Variants in ZFP91 observed in about 807,000 individuals in gnomAD.
ZFP91 encodes ZFP91 zinc finger protein, atypical E3 ubiquitin ligase, also known as E3 ubiquitin-protein ligase ZFP91.
Under a neutral mutation model 63.5 loss-of-function variants are expected in ZFP91, and 7 were observed. That is an observed-to-expected ratio of 0.11 (90% CI 0.06 to 0.21). The LOEUF (loss-of-function observed/expected upper bound fraction) is 0.21. ZFP91 is among the 10% of genes least tolerant of loss of function. The probability of loss-of-function intolerance (pLI) is 1.00; values close to 1 mark genes in which losing one functional copy is unlikely to be tolerated. For synonymous variants in ZFP91, 330 were observed against 272.1 expected (o/e 1.21, Z -2.10); for missense variants, 628 against 736.6 (o/e 0.85, Z 1.71).
At chr11:58,603,099 G>T (rs1393608251) in intron 2 of ZFP91, among the ~76,000 whole-genome samples, 2 of 152,226 alleles carry the variant, frequency 1.3e-5, no homozygotes, top group African/African-American at 4.8e-5. Context: ...TTATTGGACA[G>T]TGGAGAAAAG....
Position 58,611,713 on chromosome 11 carries a change from A to G in ZFP91, c.832A>G (p.Arg278Gly). The change falls in exon 6 of 11, where the codon AGA becomes GGA. Residue 278 changes from arginine (R) to glycine (G), a missense_variant. By Grantham distance (125) the Arg-to-Gly change is moderately radical (BLOSUM62 -2). Around this residue, in one of 3 missense-constraint regions of ZFP91, gnomAD observed 437 missense variants for 380.3 expected, o/e 1.15. Transcript: ENST00000316059. ...VEVKEEENEI[R>G]EDEEPPRKRG... Reference sequence around the variant, plus strand: ...GGTGAAAGAAGAGGAGAATGAAATTAGAGAGGATGAGGAACCTCCAAGGAA... The same window carrying G: ...GGTGAAAGAAGAGGAGAATGAAATTGGAGAGGATGAGGAACCTCCAAGGAA... 6.2e-7 allele frequency: 1 copy of G among 1,611,812 alleles called. No homozygotes were observed. Among genetic ancestry groups the G allele is most frequent in the South Asian group, 1.1e-5 (1 of 90,802 alleles).
At chr11:58,610,229 C>A in intron 3 of ZFP91, 69 bp from the exon 4 acceptor site, 6 of 1,524,788 alleles carry the variant, frequency 3.9e-6, no homozygotes, top group Non-Finnish European at 4.4e-6. Flanking sequence ...ATTTGCATTT[C>A]TTGACTGCAG....
chr11:58,616,881 C>T (rs917531196), intron 10 of ZFP91, 66 bp downstream of exon 10: 1 of 1,462,996 alleles, frequency 6.8e-7, no homozygotes, highest in Non-Finnish European at 9.5e-7. Flanking sequence ...AGGTTTGCCG[C>T]TTTACAAACA....
intron 2 of ZFP91, among the ~76,000 whole-genome samples, chr11:58,593,506 C>A (rs183227550): frequency 4.6e-5 from 7 of 152,078 alleles, no homozygotes. Context: ...TTTTTTAATG[C>A]AAAACTGCTG....
chr11:58,609,757 C>G, intron 2 of ZFP91, 73 bp from the exon 3 acceptor site: 4 of 1,263,684 alleles, frequency 3.2e-6, no homozygotes, highest in Non-Finnish European at 4.5e-6. Context: ...ACTGTATTTA[C>G]AATTAGTAGA....
At chr11:58,581,771 C>G (rs1855120909) in intron 1 of ZFP91, among the ~76,000 whole-genome samples, 1 of 152,224 alleles carries the variant, frequency 6.6e-6, no homozygotes, top group Non-Finnish European at 1.5e-5. Flanking sequence ...ACTAGTGACG[C>G]TTTAATTCCA....
Position 58,579,744 on chromosome 11 carries a change from C to T in ZFP91, c.341+122C>T, listed in dbSNP as rs372475133. On this transcript the variant is annotated intron_variant, in intron 1 of 10. Coordinates refer to ENST00000316059, the MANE Select transcript of ZFP91 (RefSeq NM_053023.5). Reference sequence around the variant, plus strand: ...TGGTCTGCCCCCTGCCGGCTCCGCACGCCAGATGTCACACCGTTTCCCCGG... The same window carrying T: ...TGGTCTGCCCCCTGCCGGCTCCGCATGCCAGATGTCACACCGTTTCCCCGG... The T allele has an allele frequency of 3.7e-5, 34 of 927,498 alleles. No homozygotes were observed. In the African/African-American group the frequency reaches 4.6e-4, roughly 12 times the overall value. 57.5% of individuals were successfully genotyped at this position (927,498 alleles called of 1,614,324 possible).
rs776142624 is a variant in ZFP91, at chr11:58,609,842, A to C, written c.383A>C (p.Glu128Ala). Residue 128 changes from glutamate (E) to alanine (A), a missense_variant, in exon 3 of 11, where the codon GAA becomes GCA. By Grantham distance (107) the Glu-to-Ala change is moderately radical. Around this residue, in one of 3 missense-constraint regions of ZFP91, gnomAD observed 437 missense variants for 380.3 expected, o/e 1.15. Coordinates refer to ENST00000316059, the MANE Select transcript of ZFP91 (RefSeq NM_053023.5). Reference protein sequence around the residue: ...KVTTDKDPKEEKEEEDDSALP... With the variant: ...KVTTDKDPKEAKEEEDDSALP... ...TCTTTTTATTTAGATCCCAAGGAAG[A>C]AAAAGAGGAAGAAGACGATTCTGCC... 2 of 1,614,180 alleles carry C rather than the reference A, an allele frequency of 1.2e-6. No homozygotes were observed. Among genetic ancestry groups the C allele is most frequent in the Non-Finnish European group, 8.5e-7 (1 of 1,179,980 alleles).
chr11:58,580,067 C>G (rs866056425), intron 1 of ZFP91, among the ~76,000 whole-genome samples: 30 of 151,418 alleles, frequency 2.0e-4, no homozygotes, highest in Admixed American at 3.3e-4. Context: ...AGCTCAAGAG[C>G]CAGATGTACT....
intron 1 of ZFP91, among the ~76,000 whole-genome samples, chr11:58,580,483 A>T (rs1409514121): frequency 6.7e-6 from 1 of 149,362 alleles, no homozygotes; most frequent in Non-Finnish European, 1.5e-5. Flanking sequence ...TGACTATTCA[A>T]TTCATGACTG....
intron 2 of ZFP91, among the ~76,000 whole-genome samples, chr11:58,587,939 A>G (rs867468539): frequency 6.6e-6 from 1 of 152,172 alleles, no homozygotes; most frequent in East Asian, 1.9e-4. Flanking sequence ...AGAATCAAGT[A>G]GATGTGGGCA....
At chr11:58,610,201 A>G (rs2134418445) in intron 3 of ZFP91, 97 bp from the exon 4 acceptor site, 1 of 1,440,802 alleles carries the variant, frequency 6.9e-7, no homozygotes. Flanking sequence ...TTGTATAATT[A>G]CCCCATGCAG....
intron 5 of ZFP91, 82 bp from the exon 6 acceptor site, chr11:58,611,522 A>G (rs1219543736): frequency 2.7e-6 from 4 of 1,497,920 alleles, no homozygotes; most frequent in Non-Finnish European, 3.6e-6. Flanking sequence ...CAAATCAGTG[A>G]TAACTCTAAG....
chr11:58,584,797 TTA>T (rs1855176923), intron 1 of ZFP91, 57 bp from the exon 2 acceptor site: 2 of 1,439,812 alleles, frequency 1.4e-6, no homozygotes, highest in African/African-American at 2.9e-5. Flanking sequence ...AAAGAGATAT[TTA>T]TATTTTCAGA....
At chr11:58,612,214 G>GC in intron 6 of ZFP91, 64 bp from the exon 7 acceptor site, 1 of 1,534,802 alleles carries the variant, frequency 6.5e-7, no homozygotes, top group Non-Finnish European at 9.0e-7. Context: ...TGTGTCTTCA[G>GC]CCAGCCTTCA....
intron 2 of ZFP91, among the ~76,000 whole-genome samples, chr11:58,589,914 G>A (rs1855276054): frequency 6.6e-6 from 1 of 152,176 alleles, no homozygotes; most frequent in Non-Finnish European, 1.5e-5. Flanking sequence ...TCAGTTATGG[G>A]ATTACCTATC....
chr11:58,617,869 C>G lies in ZFP91; in HGVS notation c.*163C>G. 1 of 893,752 alleles carries G rather than the reference C, an allele frequency of 1.1e-6. No individual in the cohort carries two copies. Among genetic ancestry groups the G allele is most frequent in the Non-Finnish European group, 1.5e-6 (1 of 666,086 alleles). The allele number at this position is 893,752 out of a possible 1,614,324, so 55.4% of individuals were successfully genotyped here. On this transcript the variant is annotated 3_prime_UTR_variant, in exon 11 of 11. Coordinates refer to ENST00000316059, the MANE Select transcript of ZFP91 (RefSeq NM_053023.5). The surrounding 1 kb of genome is among the most constrained non-coding windows in gnomAD (Gnocchi z 4.2). ...ACACATACATACACCCTCCACCTCC[C>G]CATCCCCTGTTCTCCCTCTGTTGCT...
chr11:58,610,281 T>G lies in ZFP91; in HGVS notation c.581-17T>G. 1 of 1,590,030 alleles carries G rather than the reference T, an allele frequency of 6.3e-7. No homozygotes were observed. Among genetic ancestry groups the G allele is most frequent in the East Asian group, 2.2e-5 (1 of 44,664 alleles). On this transcript the variant is annotated splice_polypyrimidine_tract_variant and intron_variant, in intron 3 of 10. Coordinates refer to ENST00000316059, the MANE Select transcript of ZFP91 (RefSeq NM_053023.5). ...ATCTACACTAATAAAATTTTGTTTTTGGCTTTGTTTTTCTAGATGTTGGAG... is the reference window on the plus strand; with the variant it reads ...ATCTACACTAATAAAATTTTGTTTTGGGCTTTGTTTTTCTAGATGTTGGAG...
chr11:58,615,619 C>A (rs1206840409), intron 9 of ZFP91, among the ~76,000 whole-genome samples: 1 of 152,102 alleles, frequency 6.6e-6, no homozygotes, highest in Non-Finnish European at 1.5e-5. Flanking sequence ...CTGGGAGATG[C>A]TAAGAGTTTC....
Sources: gnomAD v4.1 joint callset for allele counts (sites outside exome capture counted in the v4.1 genomes callset) on GRCh38, gnomAD v4.1.1 for gene constraint, gnomAD v4.1.1 regional missense constraint, Gnocchi (gnomAD v3.1) non-coding constraint, MANE v1.5 for transcripts, NCBI Gene and HGNC (gene_info 2026-07-23, HGNC 2026-07-21) for gene names.